Variants in VPS50 observed in about 807,000 individuals in gnomAD.
VPS50 encodes the protein syndetin.
VPS50 carries 70 observed loss-of-function variants against 139.7 expected under a neutral mutation model. The observed-to-expected ratio is 0.50, with a 90% confidence interval of 0.41 to 0.61. VPS50 has a LOEUF of 0.61. Ranked by LOEUF, VPS50 falls within the 20% of genes least tolerant of loss-of-function variation. The pLI is 0.00. For synonymous variants in VPS50, 365 were observed against 376.7 expected (o/e 0.97, Z 0.36); for missense variants, 921 against 1,133.7 (o/e 0.81, Z 2.69).
intron 4 of VPS50, among the ~76,000 whole-genome samples, chr7:93,255,436 C>G (rs1584392968): frequency 6.6e-6 from 1 of 152,088 alleles, no homozygotes; most frequent in South Asian, 2.1e-4. Flanking sequence ...TGATGGGGAG[C>G]GGCTGTAAAT....
At chr7:93,288,130 C>T (rs1360084360) in intron 12 of VPS50, among the ~76,000 whole-genome samples, 1 of 152,060 alleles carries the variant, frequency 6.6e-6, no homozygotes, top group East Asian at 1.9e-4. Flanking sequence ...TCTCATGAGA[C>T]TTATTCACTA....
intron 20 of VPS50, 27 bp downstream of exon 20, chr7:93,311,299 T>A (rs1041755528): frequency 4.6e-6 from 4 of 875,032 alleles, no homozygotes; most frequent in Non-Finnish European, 5.8e-6. Context: ...TTAAAAAAAA[T>A]TATAACAGTT....
intron 1 of VPS50, 31 bp downstream of exon 1, chr7:93,232,531 C>T (rs746677734): frequency 1.2e-6 from 2 of 1,600,996 alleles, no homozygotes; most frequent in Non-Finnish European, 1.7e-6. Context: ...CAAAGGCTTC[C>T]TTCATCTCGG....
At chr7:93,243,922 A>C (rs1795071266) in intron 2 of VPS50, among the ~76,000 whole-genome samples, 2 of 151,902 alleles carry the variant, frequency 1.3e-5, no homozygotes, top group African/African-American at 4.8e-5. Context: ...GAGTATTGAT[A>C]CTAATATTGT....
chr7:93,308,538 C>CTAA (rs1797179843), intron 18 of VPS50, among the ~76,000 whole-genome samples: 1 of 151,690 alleles, frequency 6.6e-6, no homozygotes, highest in Non-Finnish European at 1.5e-5. Context: ...AATGTATACT[C>CTAA]TTTAGGCCTA....
Position 93,258,273 on chromosome 7 carries a change from A to G in VPS50, c.537A>G (p.Thr179=). The G allele has an allele frequency of 1.9e-6, 3 of 1,556,138 alleles. No homozygotes were observed. Among genetic ancestry groups the G allele is most frequent in the Non-Finnish European group, 2.7e-6 (3 of 1,128,068 alleles). Residue 179 remains threonine, a synonymous_variant, in exon 7 of 28, where the codon ACA becomes ACG. Transcript: ENST00000305866. ...GLLKSLRTIK[T]LQRTDVRLSE... Reference sequence around the variant, plus strand: ...TGAAATCTCTGAGAACTATAAAAACATTGGTATATATGGGTCATTTAAAAA... The same window carrying G: ...TGAAATCTCTGAGAACTATAAAAACGTTGGTATATATGGGTCATTTAAAAA...
At chr7:93,330,170 A>G (rs1797893083) in intron 21 of VPS50, among the ~76,000 whole-genome samples, 1 of 152,202 alleles carries the variant, frequency 6.6e-6, no homozygotes. Flanking sequence ...ATTTCTGTAT[A>G]TTAGTAAAGC....
rs777216883 is a variant in VPS50 at position 93,257,469 on chromosome 7, T to G, written c.422+5T>G. ...TATCTGTACAAATGGGAGAAGGTAT[T>G]GCTTTTGATGATATTTTGTTCTTTA... On this transcript the variant is annotated splice_donor_5th_base_variant and intron_variant, in intron 6 of 27. Coordinates refer to ENST00000305866, the MANE Select transcript of VPS50 (RefSeq NM_017667.4). 3.7e-5 allele frequency: 57 copies of G among 1,542,146 alleles called. No homozygotes were observed. Among genetic ancestry groups the G allele is most frequent in the Non-Finnish European group, 4.8e-5 (54 of 1,120,966 alleles).
intron 1 of VPS50, among the ~76,000 whole-genome samples, chr7:93,236,516 C>T (rs1025020994): frequency 3.9e-5 from 6 of 151,998 alleles, no homozygotes; most frequent in African/African-American, 7.3e-5. Context: ...AATGAAGAGG[C>T]GAGTGTTAAT....
In VPS50 at chr7:93,276,249, T is replaced by C; in HGVS notation, c.886T>C (p.Cys296Arg). ...FQVVLGYVEL[C>R]AGNTDTKFQK... ...AGTTGTTCTTGGTTATGTGGAACTATGTGCAGGAAACACAGACACAAAATT... is the reference window on the plus strand; with the variant it reads ...AGTTGTTCTTGGTTATGTGGAACTACGTGCAGGAAACACAGACACAAAATT... Residue 296 changes from cysteine (C) to arginine (R), a missense_variant, in exon 12 of 28, where the codon TGT becomes CGT. Transcript: ENST00000305866. The C allele has an allele frequency of 6.2e-7, 1 of 1,613,732 alleles. No homozygotes were observed. Among genetic ancestry groups the C allele is most frequent in the Non-Finnish European group, 8.5e-7 (1 of 1,179,728 alleles).
intron 12 of VPS50, 176 bp downstream of exon 12, chr7:93,276,481 T>A: frequency 9.6e-7 from 1 of 1,047,050 alleles, no homozygotes; most frequent in Non-Finnish European, 1.3e-6. Flanking sequence ...GAGGACTCAG[T>A]CACACAAATG....
intron 22 of VPS50, among the ~76,000 whole-genome samples, chr7:93,338,472 T>G (rs1380049910): frequency 2.0e-5 from 3 of 152,008 alleles, no homozygotes; most frequent in Admixed American, 1.3e-4. Flanking sequence ...AATAGGAGAG[T>G]GAGCCACCCT....
chr7:93,328,849 C>T (rs1386198641), intron 21 of VPS50, among the ~76,000 whole-genome samples: 2 of 152,228 alleles, frequency 1.3e-5, no homozygotes, highest in East Asian at 3.9e-4. Context: ...TTCAGTCCAC[C>T]TATATCTCGG....
intron 12 of VPS50, among the ~76,000 whole-genome samples, chr7:93,287,385 C>T (rs1354737453): frequency 6.7e-6 from 1 of 150,222 alleles, no homozygotes; most frequent in Non-Finnish European, 1.5e-5. Flanking sequence ...CATTAAATTT[C>T]AGCAAATCCT....
intron 12 of VPS50, among the ~76,000 whole-genome samples, chr7:93,288,800 G>T (rs1222469734): frequency 1.3e-5 from 2 of 152,146 alleles, no homozygotes; most frequent in African/African-American, 4.8e-5. Context: ...GGAAGGGGTT[G>T]AGCAGGGGCT....
chr7:93,323,539 T>G (rs114237795), intron 20 of VPS50, 72 bp from the exon 21 acceptor site: 8,654 of 513,514 alleles, frequency 0.017, 645 homozygotes, highest in African/African-American at 0.16. Context: ...TAATTTTATT[T>G]TCTTTTTATA....
At chr7:93,317,984 AT>A (rs1278742983) in intron 20 of VPS50, among the ~76,000 whole-genome samples, 5 of 151,850 alleles carry the variant, frequency 3.3e-5, no homozygotes, top group African/African-American at 7.3e-5. Context: ...AGAAAAAAAT[AT>A]TTTCATATGT....
At chr7:93,328,985 C>T (rs1283077971) in intron 21 of VPS50, among the ~76,000 whole-genome samples, 1 of 152,048 alleles carries the variant, frequency 6.6e-6, no homozygotes, top group Non-Finnish European at 1.5e-5. Flanking sequence ...AGTTAAAGCC[C>T]AGCCAAGAAA....
intron 1 of VPS50, among the ~76,000 whole-genome samples, chr7:93,233,203 T>C (rs1017333916): frequency 3.3e-5 from 5 of 152,238 alleles, no homozygotes; most frequent in African/African-American, 9.6e-5. Flanking sequence ...GACCTCGTAA[T>C]AATGCCTCAG....
Sources: gnomAD v4.1 joint callset for allele counts (sites outside exome capture counted in the v4.1 genomes callset) on GRCh38, gnomAD v4.1.1 for gene constraint, MANE v1.5 for transcripts, NCBI Gene and HGNC (gene_info 2026-07-23, HGNC 2026-07-21) for gene names.